The following KCNAB1 variants were observed in gnomAD, a reference collection of about 807,000 sequenced individuals.
KCNAB1 encodes voltage-gated potassium channel subunit beta-1.
In KCNAB1, 35 loss-of-function variants were observed where a neutral mutation model predicts 64.6. That is an observed-to-expected ratio of 0.54 (90% confidence interval 0.41 to 0.72). The LOEUF is 0.72. Among genes scored for constraint, KCNAB1 ranks in the 30% least tolerant of loss-of-function variants. The pLI, the probability that KCNAB1 is intolerant of heterozygous loss-of-function variation, is 0.00. For missense variants in KCNAB1, 401 were observed against 512.9 expected (o/e 0.78, Z 2.11); for synonymous variants, 177 against 183.8 (o/e 0.96, Z 0.30).
rs992541812 is a variant in KCNAB1 at position 156,491,797 on chromosome 3, A to C, written c.658+16977A>C. On this transcript the variant is annotated intron_variant, in intron 8 of 13. Transcript: ENST00000490337. ...AGGACTCTATAAATAATGAATATTT[A>C]ATACACGCTAGCTATCTAATATTAT... 7.9e-5 allele frequency among the ~76,000 whole-genome samples: 12 copies of C among 152,238 alleles called. No individual in the cohort carries two copies. The East Asian group carries it at 2.3e-3, about 29-fold the overall frequency.
chr3:156,499,806 C>G (rs1393641287), intron 8 of KCNAB1, among the ~76,000 whole-genome samples: 2 of 152,102 alleles, frequency 1.3e-5, no homozygotes, highest in African/African-American at 4.8e-5. Context: ...CAGAGCCAAG[C>G]ACAAGGTAGG....
chr3:156,369,107 G>A (rs1726140686), intron 1 of KCNAB1, among the ~76,000 whole-genome samples: 1 of 152,046 alleles, frequency 6.6e-6, no homozygotes, highest in South Asian at 2.1e-4. Context: ...TCTGTTCCCA[G>A]TCAATATCAC....
chr3:156,337,150 G>A (rs1194104788), intron 1 of KCNAB1, among the ~76,000 whole-genome samples: 2 of 152,172 alleles, frequency 1.3e-5, no homozygotes, highest in African/African-American at 4.8e-5. Flanking sequence ...CTACCTGAAA[G>A]ACCAATAACT....
At chr3:156,519,154 T>C in intron 11 of KCNAB1, among the ~76,000 whole-genome samples, 1 of 152,186 alleles carries the variant, frequency 6.6e-6, no homozygotes, top group Non-Finnish European at 1.5e-5. Context: ...TGGACTCTGA[T>C]TTCCTCCCCT....
chr3:156,222,930 C>T (rs1715876185), intron 1 of KCNAB1, among the ~76,000 whole-genome samples: 2 of 152,136 alleles, frequency 1.3e-5, no homozygotes, highest in East Asian at 3.8e-4. Context: ...ATAGCAAAAG[C>T]AGTGCTAAGA....
chr3:156,335,340 C>A (rs561221269), intron 1 of KCNAB1, among the ~76,000 whole-genome samples: 2 of 152,316 alleles, frequency 1.3e-5, no homozygotes, highest in South Asian at 4.1e-4. Context: ...TTTTCTTCTG[C>A]CTCTAACCAA....
chr3:156,138,368 T>C (rs1382704828), intron 1 of KCNAB1, among the ~76,000 whole-genome samples: 5 of 152,152 alleles, frequency 3.3e-5, no homozygotes, highest in Non-Finnish European at 5.9e-5. Flanking sequence ...CTTGTCCAAA[T>C]TGACTTGGTT....
chr3:156,236,128 C>T (rs1424806156), intron 1 of KCNAB1, among the ~76,000 whole-genome samples: 1 of 152,146 alleles, frequency 6.6e-6, no homozygotes, highest in African/African-American at 2.4e-5. Flanking sequence ...TATAACGATT[C>T]TGATGATCAG....
chr3:156,155,324 G>A (rs1367620078), intron 1 of KCNAB1, among the ~76,000 whole-genome samples: 2 of 152,188 alleles, frequency 1.3e-5, no homozygotes, highest in Non-Finnish European at 2.9e-5. Flanking sequence ...CTTAGGCTAA[G>A]TTCTCTGCTT....
intron 1 of KCNAB1, among the ~76,000 whole-genome samples, chr3:156,286,441 C>A (rs1720103294): frequency 6.6e-6 from 1 of 152,140 alleles, no homozygotes; most frequent in Non-Finnish European, 1.5e-5. Context: ...TGCCTGGCTG[C>A]ATAATTGAGT....
At chr3:156,506,966 G>C (rs1245871034) in intron 8 of KCNAB1, among the ~76,000 whole-genome samples, 1 of 152,138 alleles carries the variant, frequency 6.6e-6, no homozygotes, top group Non-Finnish European at 1.5e-5. Context: ...TAAATGCAAA[G>C]GGATGGATGG....
chr3:156,293,531 C>A (rs557858230), intron 1 of KCNAB1, among the ~76,000 whole-genome samples: 1 of 152,254 alleles, frequency 6.6e-6, no homozygotes, highest in Non-Finnish European at 1.5e-5. Flanking sequence ...TCTCATTGCA[C>A]AAACATCAAG....
intron 9 of KCNAB1, 62 bp from the exon 10 acceptor site, chr3:156,515,038 A>T: frequency 6.7e-7 from 1 of 1,482,666 alleles, no homozygotes. Context: ...CATGCATACA[A>T]ATTACAGCGA....
intron 1 of KCNAB1, among the ~76,000 whole-genome samples, chr3:156,247,949 A>C (rs1239518700): frequency 2.0e-5 from 3 of 152,074 alleles, no homozygotes; most frequent in Non-Finnish European, 4.4e-5. Context: ...GCAGGAATCA[A>C]CTCATATAAC....
rs796836413 is a variant in KCNAB1, at chr3:156,435,735, G to A, written c.319+14076G>A. ...ATCTGCAAGAGTGAGATTCTAGCTC[G>A]TGGAGATTAATGACCAGATCTTACA... On this transcript the variant is annotated intron_variant, in intron 2 of 13. Coordinates refer to ENST00000490337, the MANE Select transcript of KCNAB1 (RefSeq NM_172160.3). 8.5e-5 allele frequency among the ~76,000 whole-genome samples: 13 copies of A among 152,256 alleles called. No individual in the cohort carries two copies. The South Asian group carries it at 2.3e-3, about 27-fold the overall frequency.
chr3:156,120,533 G>C, upstream of KCNAB1: 1 of 1,527,882 alleles, frequency 6.5e-7, no homozygotes, highest in Middle Eastern at 1.9e-4. Flanking sequence ...AGGGACGAGG[G>C]AGGGAGGCAG....
chr3:156,410,089 C>T (rs968434852), intron 1 of KCNAB1, among the ~76,000 whole-genome samples: 22 of 152,180 alleles, frequency 1.4e-4, no homozygotes, highest in African/African-American at 3.9e-4. Context: ...AATGTGAGAA[C>T]GTTTGTAGAT....
rs745633828 is a variant in KCNAB1, at chr3:156,238,421, C to CAAA, written c.275+117554_275+117556dup. Among the ~76,000 whole-genome samples the CAAA allele has an allele frequency of 7.8e-3, 560 of 71,604 alleles. 3 individuals carry two copies. The highest frequency in any genetic ancestry group is 0.01 in the Non-Finnish European group (352 of 34,930). 47.0% of individuals were successfully genotyped at this position (71,604 alleles called of 152,430 possible). On this transcript the variant is annotated intron_variant, in intron 1 of 13. Transcript: ENST00000490337. ...TGGGTGAAAGAGCGAGACTTGGTCTCAAAAAAAAAAAAAAAAAAAAAGGGT... is the reference window on the plus strand; with the variant it reads ...TGGGTGAAAGAGCGAGACTTGGTCTCAAAAAAAAAAAAAAAAAAAAAAAAGGGT...
intron 1 of KCNAB1, among the ~76,000 whole-genome samples, chr3:156,207,446 G>T (rs937028160): frequency 6.6e-6 from 1 of 152,080 alleles, no homozygotes; most frequent in African/African-American, 2.4e-5. Context: ...ACTCACCCTA[G>T]GTTACTGCAG....
Sources: allele counts gnomAD v4.1 joint callset (sites outside exome capture counted in the v4.1 genomes callset), GRCh38; gene constraint gnomAD v4.1.1; transcripts MANE v1.5; gene names NCBI Gene and HGNC (gene_info 2026-07-23, HGNC 2026-07-21).